Variants in PI4KA observed in about 807,000 individuals in gnomAD.
PI4KA encodes PI4-kinase alpha.
In PI4KA, 122 loss-of-function variants were observed where a neutral mutation model predicts 271.4. The observed-to-expected ratio is 0.45, with a 90% confidence interval of 0.39 to 0.52. PI4KA has a LOEUF of 0.52. PI4KA is among the 20% of genes least tolerant of loss of function. The probability of loss-of-function intolerance (pLI) is 0.00; values close to 1 mark genes in which losing one functional copy is unlikely to be tolerated. For synonymous variants in PI4KA, 1,041 were observed against 1,078.8 expected (o/e 0.96, Z 0.69); for missense variants, 1,969 against 2,769.1 (o/e 0.71, Z 6.48).
At chr22:20,751,824 C>CT in intron 25 of PI4KA, 69 bp from the exon 26 acceptor site, 1 of 1,386,942 alleles carries the variant, frequency 7.2e-7, no homozygotes, top group South Asian at 1.2e-5. Flanking sequence ...TAGGAGCCCC[C>CT]TCAGCTGCCA....
chr22:20,802,146 T>C (rs757245068), intron 13 of PI4KA, 41 bp from the exon 14 acceptor site: 1 of 1,569,396 alleles, frequency 6.4e-7, no homozygotes, highest in African/African-American at 1.4e-5. Flanking sequence ...GTTAGGCCTA[T>C]CATTTTCCAT....
chr22:20,712,286 A>G, intron 50 of PI4KA, 200 bp downstream of exon 50: 1 of 749,830 alleles, frequency 1.3e-6, no homozygotes, highest in Middle Eastern at 6.8e-4. Context: ...TGATCTCTTG[A>G]CCTCGTGATC....
intron 18 of PI4KA, among the ~76,000 whole-genome samples, chr22:20,794,718 T>A (rs1012754745): frequency 2.0e-5 from 3 of 152,128 alleles, no homozygotes; most frequent in African/African-American, 7.2e-5. Flanking sequence ...ACTCTCCCAC[T>A]CAGCGCCACA....
intron 19 of PI4KA, chr22:20,784,281 C>G: frequency 1.2e-6 from 2 of 1,613,760 alleles, no homozygotes; most frequent in African/African-American, 1.3e-5. Flanking sequence ...TTTGAGCTCC[C>G]AGATGCTGGG....
intron 29 of PI4KA, among the ~76,000 whole-genome samples, chr22:20,746,555 C>T (rs1342717791): frequency 2.0e-5 from 3 of 152,202 alleles, no homozygotes; most frequent in African/African-American, 7.2e-5. Context: ...TCCTACCACC[C>T]CCAAAAAGGA....
chr22:20,768,140 C>G lies in PI4KA; in HGVS notation c.2329-2447G>C, dbSNP rs115782503. ...ATTCCCAGACGGTGCGGCGGCCAGA[C>G]AGAGGTGCTACTTACTCACTTCCCA... On this transcript the variant is annotated intron_variant, in intron 19 of 54. Transcript: ENST00000255882. 4.8e-3 allele frequency among the ~76,000 whole-genome samples: 731 copies of G among 152,252 alleles called. 4 individuals carry two copies. The highest frequency in any genetic ancestry group is 0.017 in the African/African-American group (701 of 41,558).
At chr22:20,764,507 G>T (rs1932316798) in intron 22 of PI4KA, 2 of 259,758 alleles carry the variant, frequency 7.7e-6, no homozygotes, top group Non-Finnish European at 7.3e-6. Context: ...GCGAGGCTGG[G>T]TCCTCAGAAG....
In PI4KA at chr22:20,824,250, T is replaced by C. The variant is rs143759178; in HGVS notation, c.456+76A>G. ...AACAATTCAATCACATTTCACGTTT[T>C]TAAAATCTTTTCATCACTTTGGGAC... On this transcript the variant is annotated intron_variant, in intron 4 of 54. Coordinates refer to ENST00000255882, the MANE Select transcript of PI4KA (RefSeq NM_058004.4). 3,666 of 948,648 alleles carry C rather than the reference T, an allele frequency of 3.9e-3. 9 individuals are homozygous for C. The highest frequency in any genetic ancestry group is 5.2e-3 in the Non-Finnish European group (3,012 of 583,524). 58.8% of individuals were successfully genotyped at this position (948,648 alleles called of 1,614,324 possible).
intron 45 of PI4KA, among the ~76,000 whole-genome samples, chr22:20,716,497 C>G (rs1481847897): frequency 6.6e-6 from 1 of 152,190 alleles, no homozygotes; most frequent in Non-Finnish European, 1.5e-5. Context: ...GGGAGCCAAG[C>G]TTGGCCTTGC....
chr22:20,739,239 G>A (rs538256703), intron 32 of PI4KA, among the ~76,000 whole-genome samples: 4 of 151,470 alleles, frequency 2.6e-5, no homozygotes, highest in Non-Finnish European at 2.9e-5. Context: ...TCAGCTACTC[G>A]GGAGGCTGAG....
Position 20,729,509 on chromosome 22 carries a change from G to C in PI4KA, c.4489-3C>G, listed in dbSNP as rs777004153. ...ATGAGACGCTCGATCTCAGTGGCCT[G>C]GCAAGATAAGACATAAGGCCTGATA... On this transcript the variant is annotated splice_polypyrimidine_tract_variant and splice_region_variant and intron_variant, in intron 38 of 54. Transcript: ENST00000255882. 3.1e-5 allele frequency: 49 copies of C among 1,581,598 alleles called. No individual in the cohort carries two copies. The highest frequency in any genetic ancestry group is 4.1e-5 in the Non-Finnish European group (48 of 1,162,698).
Position 20,805,179 on chromosome 22 carries a change from T to A in PI4KA, c.1169-14A>T. 6.2e-7 allele frequency: 1 copy of A among 1,601,112 alleles called. No homozygotes were observed. The highest frequency in any genetic ancestry group is 8.5e-7 in the Non-Finnish European group (1 of 1,169,762). Reference sequence around the variant, plus strand: ...AGGTCGGGAGGTCTGTAGGAAAGAGTGTGGCATCACAGCTGGGAACAAAAC... The same window carrying A: ...AGGTCGGGAGGTCTGTAGGAAAGAGAGTGGCATCACAGCTGGGAACAAAAC... On this transcript the variant is annotated splice_polypyrimidine_tract_variant and intron_variant, in intron 10 of 54. Transcript: ENST00000255882.
chr22:20,778,882 T>A lies in PI4KA; in HGVS notation c.2329-13189A>T, dbSNP rs561350253. Among the ~76,000 whole-genome samples, 96 of 152,322 alleles carry A rather than the reference T, an allele frequency of 6.3e-4. 1 individual carries two copies. Among genetic ancestry groups the A allele is most frequent in the African/African-American group, 2.1e-3 (88 of 41,574 alleles). ...ATTATTTTGAGAGCCTTCGCTTTAC[T>A]GCACGTCTGTCCCATCTGTCCCCTG... On this transcript the variant is annotated intron_variant, in intron 19 of 54. Transcript: ENST00000255882.
chr22:20,735,523 G>A (rs1276227875), intron 32 of PI4KA, among the ~76,000 whole-genome samples: 2 of 149,528 alleles, frequency 1.3e-5, no homozygotes, highest in African/African-American at 5.0e-5. Context: ...TGTTCTCCCC[G>A]GCCACTCTAA....
In PI4KA at chr22:20,852,221, A is replaced by C. The variant is rs573674158; in HGVS notation, c.156+6349T>G. 2.0e-5 allele frequency among the ~76,000 whole-genome samples: 3 copies of C among 152,348 alleles called. No individual in the cohort carries two copies. The South Asian group carries it at 6.2e-4, about 32-fold the overall frequency. ...AATGATGGAAATAGCTGCTGGTGGG[A>C]AAGATTAGAGGCAACCACACCTCCA... On this transcript the variant is annotated intron_variant, in intron 1 of 54. Coordinates refer to ENST00000255882, the MANE Select transcript of PI4KA (RefSeq NM_058004.4).
At chr22:20,728,175 AT>A (rs1468084623) in intron 39 of PI4KA, among the ~76,000 whole-genome samples, 3 of 152,180 alleles carry the variant, frequency 2.0e-5, no homozygotes, top group Non-Finnish European at 4.4e-5. Context: ...AGATGTGCTT[AT>A]TTCACGTTGC....
intron 3 of PI4KA, among the ~76,000 whole-genome samples, chr22:20,833,652 T>A (rs1032336277): frequency 2.0e-5 from 2 of 97,946 alleles, no homozygotes; most frequent in Non-Finnish European, 3.9e-5. Context: ...TTTTGGTTTG[T>A]TTTTGTTTTT....
intron 23 of PI4KA, among the ~76,000 whole-genome samples, chr22:20,755,186 G>A (rs995155648): frequency 1.3e-5 from 2 of 152,130 alleles, no homozygotes. Context: ...TTACAGAACC[G>A]TGGATGTTTA....
chr22:20,832,074 T>C (rs1924250781), intron 3 of PI4KA, among the ~76,000 whole-genome samples: 1 of 152,096 alleles, frequency 6.6e-6, no homozygotes, highest in Non-Finnish European at 1.5e-5. Context: ...GCTCTGGGAT[T>C]CTTTCCTCAG....
Sources: allele counts gnomAD v4.1 joint callset (sites outside exome capture counted in the v4.1 genomes callset), GRCh38; gene constraint gnomAD v4.1.1; transcripts MANE v1.5; gene names NCBI Gene and HGNC (gene_info 2026-07-23, HGNC 2026-07-21).